Variants in CREB3 observed in about 807,000 individuals in gnomAD.
CREB3 encodes cyclic AMP-responsive element-binding protein 3.
In CREB3, 29 loss-of-function variants were observed where a neutral mutation model predicts 34.5. The observed-to-expected ratio is 0.84, with a 90% CI of 0.63 to 1.15. CREB3 has a LOEUF of 1.15. Among genes scored for constraint, CREB3 ranks in the 50% most tolerant of loss-of-function variants. The probability of loss-of-function intolerance (pLI) is 0.00; values close to 1 mark genes in which losing one functional copy is unlikely to be tolerated. For missense variants in CREB3, 447 were observed against 443.4 expected (o/e 1.01, Z -0.07); for synonymous variants, 187 against 173.9 (o/e 1.08, Z -0.59).
Position 35,736,498 on chromosome 9 carries a change from C to G in CREB3, c.888C>G (p.Asp296Glu), listed in dbSNP as rs770372549. Reference protein sequence around the residue: ...VPKDSTHQWLDGSDCVLQAPG... With the variant: ...VPKDSTHQWLEGSDCVLQAPG... Reference sequence around the variant, plus strand: ...AAGACAGCACACACCAGTGGTTGGACGGCTCAGACTGTGTACTCCAGGCCC... The same window carrying G: ...AAGACAGCACACACCAGTGGTTGGAGGGCTCAGACTGTGTACTCCAGGCCC... The change falls in exon 9 of 9, where the codon GAC becomes GAG. Residue 296 changes from aspartate (D) to glutamate (E), a missense_variant. Coordinates refer to ENST00000353704, the MANE Select transcript of CREB3 (RefSeq NM_006368.5). 1 of 1,614,060 alleles carries G rather than the reference C, an allele frequency of 6.2e-7. No homozygotes were observed. Among genetic ancestry groups the G allele is most frequent in the Non-Finnish European group, 8.5e-7 (1 of 1,180,040 alleles).
rs1405637233 is a variant in CREB3 at position 35,732,695 on chromosome 9, C to T, written c.-78C>T. 6.5e-7 allele frequency: 1 copy of T among 1,541,884 alleles called. No homozygotes were observed. Among genetic ancestry groups the T allele is most frequent in the Admixed American group, 2.0e-5 (1 of 49,890 alleles). ...AGGGACAGTGGATAGGTGCCCGAGG[C>T]CTACAGCTGGCCTGGGGCTCGTGTC... On this transcript the variant is annotated 5_prime_UTR_variant, in exon 1 of 9. Transcript: ENST00000353704. The surrounding 1 kb of genome is among the most constrained non-coding windows in gnomAD (Gnocchi z 5.1).
In CREB3 at chr9:35,732,711, G is replaced by A; in HGVS notation, c.-62G>A. On this transcript the variant is annotated 5_prime_UTR_variant, in exon 1 of 9. Coordinates refer to ENST00000353704, the MANE Select transcript of CREB3 (RefSeq NM_006368.5). This position sits in a 1 kb window ranked among gnomAD's most constrained non-coding sequence, Gnocchi z 5.1. ...TGCCCGAGGCCTACAGCTGGCCTGG[G>A]GCTCGTGTCTGGGCTTCGGACGTTG... The A allele has an allele frequency of 2.6e-6, 4 of 1,560,644 alleles. No individual in the cohort carries two copies. The highest frequency in any genetic ancestry group is 3.5e-6 in the Non-Finnish European group (4 of 1,155,036).
In CREB3 at chr9:35,732,977, T is replaced by TCATTGGAACCCTGCG. The variant is rs778351329; in HGVS notation, c.130-16_130-2dup. On this transcript the variant is annotated intron_variant, in intron 1 of 8. Coordinates refer to ENST00000353704, the MANE Select transcript of CREB3 (RefSeq NM_006368.5). This position sits in a 1 kb window ranked among gnomAD's most constrained non-coding sequence, Gnocchi z 5.1. Reference sequence around the variant, plus strand: ...TGATGGTGATAAGGTCAAGGCCTGTTCATTGGAACCCTGCGCAGGTACCGA... The same window carrying TCATTGGAACCCTGCG: ...TGATGGTGATAAGGTCAAGGCCTGTTCATTGGAACCCTGCGCATTGGAACCCTGCGCAGGTACCGA... The TCATTGGAACCCTGCG allele has an allele frequency of 1.2e-6, 2 of 1,613,976 alleles. No individual in the cohort carries two copies. Among genetic ancestry groups the TCATTGGAACCCTGCG allele is most frequent in the Non-Finnish European group, 1.7e-6 (2 of 1,179,874 alleles).
chr9:35,736,285 G>T lies in CREB3; in HGVS notation c.755G>T (p.Arg252Met). The change falls in exon 8 of 9, where the codon AGG becomes ATG. Residue 252 changes from arginine (R) to methionine (M), a missense_variant. Physicochemically the swap from Arg to Met is moderately conservative, Grantham distance 91. Transcript: ENST00000353704. ...LVPAMYSSDT[R>M]GSLPAEHGVL... ...CCTGCTATGTACTCCTCTGACACAA[G>T]GGGGAGCCTGCCAGCTGAGCATGGA... 1 of 1,614,046 alleles carries T rather than the reference G, an allele frequency of 6.2e-7. No homozygotes were observed. Among genetic ancestry groups the T allele is most frequent in the Admixed American group, 1.7e-5 (1 of 60,006 alleles).
intron 5 of CREB3, 26 bp from the exon 6 acceptor site, chr9:35,735,280 C>T: frequency 3.7e-6 from 6 of 1,608,780 alleles, no homozygotes; most frequent in Non-Finnish European, 5.1e-6. Context: ...CAGGCCATAT[C>T]CCCGTATCTT....
At chr9:35,734,900 G>C (rs892020428) in intron 4 of CREB3, among the ~76,000 whole-genome samples, 1 of 152,196 alleles carries the variant, frequency 6.6e-6, no homozygotes, top group Admixed American at 6.5e-5. Flanking sequence ...AATACTGCCC[G>C]ACCAGTTTTT....
In CREB3 at chr9:35,735,192, G is replaced by A. The variant is rs774278125; in HGVS notation, c.519G>A (p.Val173=). The A allele has an allele frequency of 6.2e-7, 1 of 1,607,936 alleles. No homozygotes were observed. Among genetic ancestry groups the A allele is most frequent in the South Asian group, 1.1e-5 (1 of 89,726 alleles). ...AAGAGAGCCGCAGGAAAAAGAAGGT[G>A]TATGTTGGGGGTTTAGAGAGCAGGT... ...SAQESRRKKK[V]YVGGLESRVL... is the part of the protein sequence containing the mutation. Residue 173 remains valine, a synonymous_variant, in exon 5 of 9, where the codon GTG becomes GTA. Coordinates refer to ENST00000353704, the MANE Select transcript of CREB3 (RefSeq NM_006368.5).
Position 35,736,668 on chromosome 9 carries a change from G to T in CREB3, c.1058G>T (p.Gly353Val). 6.2e-7 allele frequency: 1 copy of T among 1,613,032 alleles called. No homozygotes were observed. The change falls in exon 9 of 9, where the codon GGA (glycine) becomes GTA (valine). Residue 353 changes from glycine (G) to valine (V), a missense_variant. By Grantham distance (109) the Gly-to-Val change is moderately radical (BLOSUM62 -3). Transcript: ENST00000353704. ...CTGCAGGCAAATCTCACAAGGAAGGGAGGATGGCTTCCTACTGGTAGCCCC... is the reference window on the plus strand; with the variant it reads ...CTGCAGGCAAATCTCACAAGGAAGGTAGGATGGCTTCCTACTGGTAGCCCC... ...LPLQANLTRK[G>V]GWLPTGSPSV... is the part of the protein sequence containing the mutation.
chr9:35,736,056 T>C lies in CREB3; in HGVS notation c.620T>C (p.Leu207Pro). The C allele has an allele frequency of 6.2e-7, 1 of 1,613,574 alleles. No individual in the cohort carries two copies. Among genetic ancestry groups the C allele is most frequent in the Non-Finnish European group, 8.5e-7 (1 of 1,179,536 alleles). Reference protein sequence around the residue: ...QLLEEQNLSLLDQLRKLQAMV... With the variant: ...QLLEEQNLSLPDQLRKLQAMV... ...CCCCTCTCTTCCTCTAGGTCCCTTCTAGATCAACTGAGGAAACTCCAGGCC... is the reference window on the plus strand; with the variant it reads ...CCCCTCTCTTCCTCTAGGTCCCTTCCAGATCAACTGAGGAAACTCCAGGCC... Residue 207 changes from leucine (L) to proline (P), a missense_variant, in exon 7 of 9, where the codon CTA becomes CCA. Coordinates refer to ENST00000353704, the MANE Select transcript of CREB3 (RefSeq NM_006368.5).
In CREB3 at chr9:35,735,131, G is replaced by T; in HGVS notation, c.458G>T (p.Arg153Leu). 1 of 1,602,700 alleles carries T rather than the reference G, an allele frequency of 6.2e-7. No individual in the cohort carries two copies. The highest frequency in any genetic ancestry group is 1.1e-5 in the South Asian group (1 of 88,144). The stretch of plus-strand genomic sequence containing the variant: ...CAGACAGAGGAACAAATTCTGAAAC[G>T]TGTGCGGAGGAAGATTCGAAATAAA... ...LTKTEEQILK[R>L]VRRKIRNKRS... is the part of the protein sequence containing the mutation. The change falls in exon 5 of 9, where the codon CGT becomes CTT. Residue 153 changes from arginine to leucine, a missense_variant. Transcript: ENST00000353704.
rs372769614 is a variant in CREB3, at chr9:35,736,386, C to T, written c.782-6C>T. ...GTTGGCCTCTGAAGATTCTTTGTCT[C>T]CTCAGTGTTGTCCCGCCAGCTTCGT... On this transcript the variant is annotated splice_region_variant and splice_polypyrimidine_tract_variant and intron_variant, in intron 8 of 8. Coordinates refer to ENST00000353704, the MANE Select transcript of CREB3 (RefSeq NM_006368.5). The T allele has an allele frequency of 8.1e-6, 13 of 1,613,780 alleles. No homozygotes were observed. The Admixed American group carries it at 2.2e-4, about 27-fold the overall frequency.
Position 35,736,880 on chromosome 9 carries a change from T to G in CREB3, c.*154T>G. On this transcript the variant is annotated 3_prime_UTR_variant, in exon 9 of 9. Coordinates refer to ENST00000353704, the MANE Select transcript of CREB3 (RefSeq NM_006368.5). ...ACCACACTTAATGGCTTTCTGGGTC[T>G]TTTATTTGTACCCATGTGTCTGTCA... The G allele has an allele frequency of 2.6e-6, 2 of 779,014 alleles. No individual in the cohort carries two copies. Among genetic ancestry groups the G allele is most frequent in the Non-Finnish European group, 4.0e-6 (2 of 493,984 alleles). The allele number at this position is 779,014 out of a possible 1,614,324, so 48.3% of individuals were successfully genotyped here. A position where few individuals can be genotyped will look rare whatever the true frequency, so the allele number is the denominator to read the frequency against.
chr9:35,734,414 C>G (rs747137905), intron 4 of CREB3, among the ~76,000 whole-genome samples: 7 of 151,974 alleles, frequency 4.6e-5, no homozygotes, highest in Non-Finnish European at 1.0e-4. Context: ...TAAGAGGATG[C>G]AGTCTATCCT....
intron 6 of CREB3, 105 bp downstream of exon 6, chr9:35,735,479 T>C (rs1482615011): frequency 4.1e-6 from 4 of 987,144 alleles, no homozygotes; most frequent in Non-Finnish European, 3.2e-6. Flanking sequence ...CTGCCTTCAC[T>C]AGGTCTCTGA....
In CREB3 at chr9:35,736,742, G is replaced by C. The variant is rs762973787; in HGVS notation, c.*16G>C. The C allele has an allele frequency of 1.3e-6, 2 of 1,587,420 alleles. No individual in the cohort carries two copies. Among genetic ancestry groups the C allele is most frequent in the Non-Finnish European group, 1.7e-6 (2 of 1,169,254 alleles). On this transcript the variant is annotated 3_prime_UTR_variant, in exon 9 of 9. Coordinates refer to ENST00000353704, the MANE Select transcript of CREB3 (RefSeq NM_006368.5). The stretch of plus-strand genomic sequence containing the variant: ...CTCAGGCTAGATATGAGGATATGTG[G>C]GGGGTCTCAGCAGGAGCCTGGGGGG...
chr9:35,735,346 A>C lies in CREB3; in HGVS notation c.583A>C (p.Lys195Gln). Residue 195 changes from lysine to glutamine, a missense_variant, in exon 6 of 9, where the codon AAA (lysine) becomes CAA (glutamine). Physicochemically the swap from Lys to Gln is moderately conservative, Grantham distance 53 (BLOSUM62 1). Coordinates refer to ENST00000353704, the MANE Select transcript of CREB3 (RefSeq NM_006368.5). ...YTAQNMELQN[K>Q]VQLLEEQNLS... is the part of the protein sequence containing the mutation. Reference sequence around the variant, plus strand: ...AGCCCAGAATATGGAGCTTCAGAACAAAGTACAGCTTCTGGAGGAACAGAA... The same window carrying C: ...AGCCCAGAATATGGAGCTTCAGAACCAAGTACAGCTTCTGGAGGAACAGAA... The C allele has an allele frequency of 1.2e-6, 2 of 1,614,166 alleles. No homozygotes were observed. The highest frequency in any genetic ancestry group is 1.7e-6 in the Non-Finnish European group (2 of 1,180,010).
At position 35,733,082 on chromosome 9, in the gene CREB3, C is replaced by T. The variant is rs1484090831; in HGVS notation, c.216C>T (p.Pro72=). The change falls in exon 2 of 9, where the codon CCC becomes CCT. Residue 72 remains proline, a synonymous_variant. Coordinates refer to ENST00000353704, the MANE Select transcript of CREB3 (RefSeq NM_006368.5). ...ASLNILSSSN[P]CLVHHDHTYS... ...TGAACATTCTCAGCTCCTCCAACCC[C>T]TGCCTTGTCCACCATGACCACACCT... 2.5e-6 allele frequency: 4 copies of T among 1,614,136 alleles called. No homozygotes were observed. The Admixed American group carries it at 5.0e-5, about 20-fold the overall frequency.
At position 35,735,130 on chromosome 9, in the gene CREB3, C is replaced by T. The variant is rs137928808; in HGVS notation, c.457C>T (p.Arg153Cys). 31 of 1,602,222 alleles carry T rather than the reference C, an allele frequency of 1.9e-5. No individual in the cohort carries two copies. Among genetic ancestry groups the T allele is most frequent in the East Asian group, 4.5e-5 (2 of 44,790 alleles). The change falls in exon 5 of 9, where the codon CGT becomes TGT. Residue 153 changes from arginine to cysteine, a missense_variant. Arg to Cys is a radical substitution (Grantham distance 180). Coordinates refer to ENST00000353704, the MANE Select transcript of CREB3 (RefSeq NM_006368.5). ...LTKTEEQILKRVRRKIRNKRS... is the reference protein window; with the variant it reads ...LTKTEEQILKCVRRKIRNKRS... ...TCAGACAGAGGAACAAATTCTGAAA[C>T]GTGTGCGGAGGAAGATTCGAAATAA... is the stretch of plus-strand genomic sequence containing the variant.
At chr9:35,735,240 TGTAA>T (rs765801078) in intron 5 of CREB3, 25 bp downstream of exon 5, 163 of 1,612,448 alleles carry the variant, frequency 1.0e-4, no homozygotes, top group Non-Finnish European at 1.3e-4. Context: ...GGGACTCTGT[TGTAA>T]GTATTAGGTT....
Sources: allele counts gnomAD v4.1 joint callset (sites outside exome capture counted in the v4.1 genomes callset), GRCh38; gene constraint gnomAD v4.1.1; non-coding constraint Gnocchi (gnomAD v3.1); transcripts MANE v1.5; gene names NCBI Gene and HGNC (gene_info 2026-07-23, HGNC 2026-07-21).